The following PARG variants were observed in gnomAD, a reference collection of about 807,000 sequenced individuals.
PARG encodes poly(ADP-ribose) glycohydrolase.
A neutral mutation model predicts 113.0 loss-of-function variants in PARG; 35 were observed. The observed-to-expected ratio is 0.31, with a 90% CI of 0.24 to 0.41. The LOEUF is 0.41. PARG is among the 10% of genes least tolerant of loss of function. PARG has a pLI of 1.00. For synonymous variants in PARG, 330 were observed against 409.9 expected (o/e 0.81, Z 2.36); for missense variants, 797 against 1,169.4 (o/e 0.68, Z 4.64).
At chr10:49,931,645 A>C in intron 4 of PARG, among the ~76,000 whole-genome samples, 1 of 150,830 alleles carries the variant, frequency 6.6e-6, no homozygotes, top group East Asian at 1.9e-4. Flanking sequence ...CTGATCCCCG[A>C]ATGCTCGAGG....
intron 12 of PARG, among the ~76,000 whole-genome samples, chr10:49,859,177 A>G (rs2813104): frequency 0.22 from 28,709 of 131,674 alleles, 3,415 homozygotes; most frequent in Non-Finnish European, 0.27. Flanking sequence ...GTAAATCACT[A>G]TATGAGGGGA....
intron 17 of PARG, 123 bp from the exon 18 acceptor site, chr10:49,819,617 C>A: frequency 1.4e-6 from 1 of 692,304 alleles, no homozygotes; most frequent in Non-Finnish European, 2.4e-6. Context: ...TTTGAAAATA[C>A]AGCATGAATT....
chr10:49,845,848 G>A (rs1440300570), intron 13 of PARG, among the ~76,000 whole-genome samples: 1 of 151,582 alleles, frequency 6.6e-6, no homozygotes, highest in Non-Finnish European at 1.5e-5. Flanking sequence ...AGTGAGCCAA[G>A]GTCACATCAC....
chr10:49,922,602 T>C lies in PARG; in HGVS notation c.1523A>G (p.Asn508Ser). 1.9e-6 allele frequency: 3 copies of C among 1,607,360 alleles called. No homozygotes were observed. Among genetic ancestry groups the C allele is most frequent in the Non-Finnish European group, 2.5e-6 (3 of 1,177,370 alleles). The change falls in exon 5 of 18, where the codon AAC becomes AGC. Residue 508 changes from asparagine to serine, a missense_variant. Asn to Ser is a conservative substitution (Grantham distance 46). This residue lies in a region of PARG where 252 missense variants were observed against 437.4 expected (regional missense o/e 0.58). Coordinates refer to ENST00000616448, the MANE Select transcript of PARG (RefSeq NM_003631.5). ...FPTHYKDLWDNKHVKMPCSEQ... is the reference protein window; with the variant it reads ...FPTHYKDLWDSKHVKMPCSEQ... ...TGAACAAGGCATTTTAACATGCTTG[T>C]TATCCCACAAATCTTTATAATGTGT...
At chr10:49,865,440 T>TACACACACACACACACAC (rs367652175) in intron 10 of PARG, 59 bp from the exon 11 acceptor site, 1 of 341,280 alleles carries the variant, frequency 2.9e-6, no homozygotes, top group Non-Finnish European at 5.3e-6. Context: ...GAAAAGATTA[T>TACACACACACACACACAC]ACACACACAC....
chr10:49,864,297 T>C (rs1328564988), intron 11 of PARG, among the ~76,000 whole-genome samples: 1 of 151,822 alleles, frequency 6.6e-6, no homozygotes, highest in African/African-American at 2.4e-5. Flanking sequence ...GCTTAACCTT[T>C]TATCTACTTC....
At chr10:49,941,014 G>A (rs1839020662) in intron 1 of PARG, among the ~76,000 whole-genome samples, 1 of 152,066 alleles carries the variant, frequency 6.6e-6, no homozygotes, top group Non-Finnish European at 1.5e-5. Flanking sequence ...TTTTGCTATC[G>A]TCTATCTCTC....
chr10:49,935,019 C>G, intron 2 of PARG, 57 bp downstream of exon 2: 1 of 678,790 alleles, frequency 1.5e-6, no homozygotes, highest in Non-Finnish European at 2.7e-6. Context: ...ATTAAAGCAA[C>G]AAGATAAAAC....
At chr10:49,919,724 C>G (rs1467375770) in intron 6 of PARG, among the ~76,000 whole-genome samples, 1 of 152,162 alleles carries the variant, frequency 6.6e-6, no homozygotes, top group Non-Finnish European at 1.5e-5. Flanking sequence ...TAACATTATA[C>G]TAAAACCAAG....
chr10:49,836,738 T>A (rs147350750), intron 15 of PARG, among the ~76,000 whole-genome samples: 1 of 152,318 alleles, frequency 6.6e-6, no homozygotes, highest in African/African-American at 2.4e-5. Flanking sequence ...ACTGGTTTTG[T>A]TTTCAGGCTT....
Position 49,823,598 on chromosome 10 carries a change from C to T in PARG, c.2648-3305G>A, listed in dbSNP as rs574885941. On this transcript the variant is annotated intron_variant, in intron 16 of 17. Transcript: ENST00000616448. ...TCCATACATTAAAGTTTCAATACAC[C>T]CTATTTCAAAAGGTTCTTAATTAAC... Among the ~76,000 whole-genome samples the T allele has an allele frequency of 1.3e-4, 19 of 151,780 alleles. No homozygotes were observed. The South Asian group carries it at 2.9e-3, about 23-fold the overall frequency.
intron 7 of PARG, among the ~76,000 whole-genome samples, chr10:49,907,294 C>G (rs1168686247): frequency 2.6e-5 from 4 of 152,144 alleles, no homozygotes; most frequent in African/African-American, 9.7e-5. Flanking sequence ...TAGAATCTGA[C>G]AGACTCTTGT....
At chr10:49,927,606 G>GA (rs1320750710) in intron 4 of PARG, among the ~76,000 whole-genome samples, 4 of 152,122 alleles carry the variant, frequency 2.6e-5, no homozygotes, top group African/African-American at 9.7e-5. Flanking sequence ...GAGGAAGAAA[G>GA]AAATTTAGGA....
intron 6 of PARG, among the ~76,000 whole-genome samples, chr10:49,916,644 T>C (rs1386496802): frequency 1.3e-5 from 2 of 152,132 alleles, no homozygotes; most frequent in Admixed American, 6.5e-5. Context: ...ACTGTTTGAA[T>C]AGGCAATACT....
chr10:49,864,956 G>T (rs1191311647), intron 11 of PARG, among the ~76,000 whole-genome samples: 1 of 146,544 alleles, frequency 6.8e-6, no homozygotes, highest in Non-Finnish European at 1.5e-5. Flanking sequence ...AGAAAGAAAA[G>T]CCATAAAGTT....
At chr10:49,899,316 A>T (rs1409466985) in intron 7 of PARG, among the ~76,000 whole-genome samples, 1 of 152,216 alleles carries the variant, frequency 6.6e-6, no homozygotes, top group Non-Finnish European at 1.5e-5. Context: ...AAATTACGTA[A>T]GGGTAAAAAA....
rs201721738 is a variant in PARG, at chr10:49,842,919, CTG to C, written c.2432+633_2432+634del. On this transcript the variant is annotated intron_variant, in intron 14 of 17. Coordinates refer to ENST00000616448, the MANE Select transcript of PARG (RefSeq NM_003631.5). ...TAAATTTGTGGCACGTGGGCAAGAG[CTG>C]ATTCTTTCTGCCACAATGGTTTTCT... Among the ~76,000 whole-genome samples, 839 of 152,262 alleles carry C rather than the reference CTG, an allele frequency of 5.5e-3. 8 individuals carry two copies. The highest frequency in any genetic ancestry group is 4.5e-3 in the Non-Finnish European group (306 of 68,030).
chr10:49,900,465 T>A (rs1848301412), intron 7 of PARG, among the ~76,000 whole-genome samples: 1 of 151,186 alleles, frequency 6.6e-6, no homozygotes, highest in Non-Finnish European at 1.5e-5. Flanking sequence ...ATGCCTCTAA[T>A]CAAAAACAGT....
chr10:49,846,048 A>T (rs1845490602), intron 13 of PARG, among the ~76,000 whole-genome samples: 1 of 151,956 alleles, frequency 6.6e-6, no homozygotes, highest in Non-Finnish European at 1.5e-5. Context: ...GACATTAAAA[A>T]AAAAAAGACT....
Sources: gnomAD v4.1 joint callset for allele counts (sites outside exome capture counted in the v4.1 genomes callset) on GRCh38, gnomAD v4.1.1 for gene constraint, gnomAD v4.1.1 regional missense constraint, MANE v1.5 for transcripts, NCBI Gene and HGNC (gene_info 2026-07-23, HGNC 2026-07-21) for gene names.